The following LYPD6 variants were observed in gnomAD, a reference collection of about 807,000 sequenced individuals.
LYPD6 encodes the protein LY6/PLAUR domain containing 6.
A neutral mutation model predicts 22.7 loss-of-function variants in LYPD6; 15 were observed. The observed-to-expected ratio is 0.66, with a 90% confidence interval of 0.44 to 1.02. LYPD6 has a LOEUF of 1.02. Ranked by LOEUF, LYPD6 falls within the 50% of genes least tolerant of loss-of-function variation. LYPD6 has a pLI of 0.00. For synonymous variants in LYPD6, 72 were observed against 77.5 expected (o/e 0.93, Z 0.37); for missense variants, 189 against 208.4 (o/e 0.91, Z 0.57).
At chr2:149,412,780 A>T (rs562466709) in intron 1 of LYPD6, among the ~76,000 whole-genome samples, 3 of 152,194 alleles carry the variant, frequency 2.0e-5, no homozygotes, top group Admixed American at 1.3e-4. Context: ...AAGTAATATC[A>T]TATTAGGATC....
chr2:149,460,913 A>G (rs1333894519), intron 3 of LYPD6, among the ~76,000 whole-genome samples: 1 of 152,152 alleles, frequency 6.6e-6, no homozygotes, highest in Non-Finnish European at 1.5e-5. Context: ...CTTAAGGGAA[A>G]TTTAAAAGAC....
Position 149,468,688 on chromosome 2 carries a change from A to C in LYPD6, c.261A>C (p.Gly87=). The C allele has an allele frequency of 6.2e-7, 1 of 1,613,678 alleles. No homozygotes were observed. Among genetic ancestry groups the C allele is most frequent in the East Asian group, 2.2e-5 (1 of 44,870 alleles). The change falls in exon 4 of 5, where the codon GGA becomes GGC. Residue 87 remains glycine, a synonymous_variant. Transcript: ENST00000334166. ...CYTQHTMEVT[G]NSISVTKRCV... ...CTCAGCACACAATGGAAGTCACAGG[A>C]AACAGTATCTCAGTCACCAAACGCT...
chr2:149,414,347 A>G (rs1223390206), intron 1 of LYPD6, among the ~76,000 whole-genome samples: 1 of 152,204 alleles, frequency 6.6e-6, no homozygotes, highest in East Asian at 1.9e-4. Context: ...ACAGTTTTGT[A>G]ATGACAAACT....
intron 1 of LYPD6, among the ~76,000 whole-genome samples, chr2:149,350,413 G>A (rs1230824535): frequency 6.6e-6 from 1 of 152,148 alleles, no homozygotes; most frequent in East Asian, 1.9e-4. Flanking sequence ...CATTCCATAT[G>A]CCCATTTGTT....
At chr2:149,431,657 C>T (rs1021239701) in intron 1 of LYPD6, among the ~76,000 whole-genome samples, 1 of 152,146 alleles carries the variant, frequency 6.6e-6, no homozygotes, top group Non-Finnish European at 1.5e-5. Context: ...GCCTTGTCTA[C>T]TATAAAGTAG....
intron 3 of LYPD6, among the ~76,000 whole-genome samples, chr2:149,454,786 T>A (rs1408578791): frequency 6.6e-6 from 1 of 152,162 alleles, no homozygotes; most frequent in Non-Finnish European, 1.5e-5. Flanking sequence ...GTTAACCAGA[T>A]GACATTTTTA....
rs73966484 is a variant in LYPD6 at position 149,363,855 on chromosome 2, C to T, written c.-72+33133C>T. On this transcript the variant is annotated intron_variant, in intron 1 of 4. Coordinates refer to ENST00000334166, the MANE Select transcript of LYPD6 (RefSeq NM_194317.5). ...GTCTGATTCATTTGGTGAGTAGGGGCTTAATAATATTTGGTAAATGCATTT... is the reference window on the plus strand; with the variant it reads ...GTCTGATTCATTTGGTGAGTAGGGGTTTAATAATATTTGGTAAATGCATTT... Among the ~76,000 whole-genome samples, 371 of 152,236 alleles carry T rather than the reference C, an allele frequency of 2.4e-3. 3 individuals are homozygous for T. The highest frequency in any genetic ancestry group is 8.4e-3 in the African/African-American group (347 of 41,552).
rs1681323643 is a variant in LYPD6 at position 149,471,046 on chromosome 2, C to T, written c.*196C>T. ...AGCCATTTTGAGTCTAACCGAGACT[C>T]ATCAAAGCCTTCTGTCAGTACAGCC... On this transcript the variant is annotated 3_prime_UTR_variant, in exon 5 of 5. Coordinates refer to ENST00000334166, the MANE Select transcript of LYPD6 (RefSeq NM_194317.5). The T allele has an allele frequency of 4.2e-6, 2 of 479,152 alleles. No individual in the cohort carries two copies. Among genetic ancestry groups the T allele is most frequent in the Non-Finnish European group, 3.7e-6 (1 of 267,918 alleles). The allele number at this position is 479,152 out of a possible 1,614,324, so 29.7% of individuals were successfully genotyped here.
chr2:149,430,667 T>G (rs1359254773), intron 1 of LYPD6, among the ~76,000 whole-genome samples: 1 of 152,224 alleles, frequency 6.6e-6, no homozygotes, highest in Non-Finnish European at 1.5e-5. Context: ...TGAATAGCAT[T>G]GAAATATTTA....
chr2:149,407,288 A>T (rs988915769), intron 1 of LYPD6, among the ~76,000 whole-genome samples: 12 of 152,210 alleles, frequency 7.9e-5, no homozygotes, highest in Non-Finnish European at 1.5e-4. Context: ...CTGCCTTGCC[A>T]GATTGGGGAA....
At chr2:149,358,551 G>T (rs1681512338) in intron 1 of LYPD6, among the ~76,000 whole-genome samples, 1 of 152,130 alleles carries the variant, frequency 6.6e-6, no homozygotes, top group Non-Finnish European at 1.5e-5. Context: ...GGGCAATTGG[G>T]GGAAGTTGTT....
At chr2:149,337,226 G>A (rs1681051898) in intron 1 of LYPD6, among the ~76,000 whole-genome samples, 1 of 152,140 alleles carries the variant, frequency 6.6e-6, no homozygotes, top group Non-Finnish European at 1.5e-5. Flanking sequence ...ACGTTGGAAT[G>A]TTTTGAATTG....
intron 1 of LYPD6, among the ~76,000 whole-genome samples, chr2:149,334,922 A>G (rs981821139): frequency 6.6e-6 from 1 of 152,150 alleles, no homozygotes; most frequent in Admixed American, 6.5e-5. Flanking sequence ...ACCTAGTGAC[A>G]TCTTAGCTGT....
At chr2:149,333,759 G>T (rs1254697736) in intron 1 of LYPD6, among the ~76,000 whole-genome samples, 1 of 152,092 alleles carries the variant, frequency 6.6e-6, no homozygotes, top group Non-Finnish European at 1.5e-5. Flanking sequence ...CCTACCAAAT[G>T]CCCCGTTATT....
chr2:149,470,973 C>T lies in LYPD6; in HGVS notation c.*123C>T. On this transcript the variant is annotated 3_prime_UTR_variant, in exon 5 of 5. Transcript: ENST00000334166. Reference sequence around the variant, plus strand: ...GACACAACACTCTTGGAGGTCATCACAGCCAAGCATTGCCACTTACCATGA... The same window carrying T: ...GACACAACACTCTTGGAGGTCATCATAGCCAAGCATTGCCACTTACCATGA... 2 of 885,600 alleles carry T rather than the reference C, an allele frequency of 2.3e-6. No individual in the cohort carries two copies. The highest frequency in any genetic ancestry group is 3.5e-6 in the Non-Finnish European group (2 of 578,916). The allele number at this position is 885,600 out of a possible 1,614,324, so 54.9% of individuals were successfully genotyped here.
chr2:149,405,062 C>T (rs1321390587), intron 1 of LYPD6, among the ~76,000 whole-genome samples: 2 of 152,162 alleles, frequency 1.3e-5, no homozygotes, highest in African/African-American at 4.8e-5. Context: ...ATTGAACCAG[C>T]CTTGCATCCC....
At chr2:149,345,245 C>T (rs1243977300) in intron 1 of LYPD6, among the ~76,000 whole-genome samples, 1 of 151,836 alleles carries the variant, frequency 6.6e-6, no homozygotes, top group Non-Finnish European at 1.5e-5. Flanking sequence ...TAATCTATAG[C>T]AGACATCTTA....
intron 1 of LYPD6, among the ~76,000 whole-genome samples, chr2:149,402,937 G>A: frequency 6.9e-6 from 1 of 143,952 alleles, no homozygotes; most frequent in Non-Finnish European, 1.5e-5. Context: ...GTGTCCATGT[G>A]TTCTCATTGT....
At chr2:149,469,671 C>T (rs1252226870) in intron 4 of LYPD6, among the ~76,000 whole-genome samples, 1 of 152,066 alleles carries the variant, frequency 6.6e-6, no homozygotes, top group Non-Finnish European at 1.5e-5. Flanking sequence ...ATGAGTAAAA[C>T]CAAAGGCTTT....
Sources: allele counts gnomAD v4.1 joint callset (sites outside exome capture counted in the v4.1 genomes callset), GRCh38; gene constraint gnomAD v4.1.1; transcripts MANE v1.5; gene names NCBI Gene and HGNC (gene_info 2026-07-23, HGNC 2026-07-21).